The following GPR137C variants were observed in gnomAD, a reference collection of about 807,000 sequenced individuals.
GPR137C encodes the protein integral membrane protein GPR137C.
In GPR137C, 27 loss-of-function variants were observed where a neutral mutation model predicts 43.4. The ratio of observed to expected loss-of-function variants is 0.62; its 90% CI spans 0.46 to 0.86. The LOEUF is 0.86. Ranked by LOEUF, GPR137C falls within the 40% of genes least tolerant of loss-of-function variation. The pLI is 0.00. For synonymous variants in GPR137C, 285 were observed against 226.9 expected (o/e 1.26, Z -2.30); for missense variants, 522 against 534.6 (o/e 0.98, Z 0.23).
intron 2 of GPR137C, among the ~76,000 whole-genome samples, chr14:52,599,494 C>T (rs1050311045): frequency 4.0e-5 from 6 of 148,598 alleles, no homozygotes; most frequent in South Asian, 2.1e-4. Flanking sequence ...AGTGCAGTGG[C>T]GCTGTCTTGG....
At chr14:52,606,609 T>G (rs182138459) in intron 3 of GPR137C, among the ~76,000 whole-genome samples, 1 of 152,118 alleles carries the variant, frequency 6.6e-6, no homozygotes, top group African/African-American at 2.4e-5. Flanking sequence ...GCCAATTTTT[T>G]AAATTTTTTG....
chr14:52,559,079 G>A lies in GPR137C; in HGVS notation c.444+5488G>A, dbSNP rs976766607. On this transcript the variant is annotated intron_variant, in intron 1 of 6. Transcript: ENST00000321662. ...TGGGCTTTGTGAAAACATATTTAAAGTACACTTGAAAACACTGACCTGGTG... is the reference window on the plus strand; with the variant it reads ...TGGGCTTTGTGAAAACATATTTAAAATACACTTGAAAACACTGACCTGGTG... Among the ~76,000 whole-genome samples, 3 of 152,296 alleles carry A rather than the reference G, an allele frequency of 2.0e-5. No homozygotes were observed. In the South Asian group the frequency reaches 6.2e-4, roughly 32 times the overall value.
chr14:52,564,300 T>G (rs1594780790), intron 1 of GPR137C, among the ~76,000 whole-genome samples: 1 of 140,824 alleles, frequency 7.1e-6, no homozygotes, highest in African/African-American at 2.7e-5. Context: ...AAAGCCCCAC[T>G]CCTAGATTTC....
intron 1 of GPR137C, among the ~76,000 whole-genome samples, chr14:52,589,355 A>T (rs1164858520): frequency 1.3e-5 from 2 of 152,204 alleles, no homozygotes; most frequent in African/African-American, 4.8e-5. Context: ...CCACTGAACC[A>T]TACACTAAAA....
At position 52,564,230 on chromosome 14, in the gene GPR137C, G is replaced by A. The variant is rs532415232; in HGVS notation, c.444+10639G>A. On this transcript the variant is annotated intron_variant, in intron 1 of 6. Transcript: ENST00000321662. ...GCAGAGGTTGCAGTGAGCCGAGATC[G>A]CATCACTGCACTCCACCCTGGGCAA... Among the ~76,000 whole-genome samples the A allele has an allele frequency of 3.7e-5, 5 of 135,044 alleles. 1 individual carries two copies. Among genetic ancestry groups the A allele is most frequent in the East Asian group, 4.7e-4 (2 of 4,288 alleles). 88.6% of individuals were successfully genotyped at this position (135,044 alleles called of 152,430 possible).
intron 1 of GPR137C, among the ~76,000 whole-genome samples, chr14:52,554,558 C>T (rs974170108): frequency 6.6e-6 from 1 of 152,184 alleles, no homozygotes; most frequent in South Asian, 2.1e-4. Context: ...CAAAAAAGTC[C>T]TCCTTCCCAC....
At chr14:52,564,927 T>C (rs2038343500) in intron 1 of GPR137C, among the ~76,000 whole-genome samples, 1 of 151,104 alleles carries the variant, frequency 6.6e-6, no homozygotes, top group African/African-American at 2.4e-5. Context: ...ATCTACCTCC[T>C]CCCTTCAAAA....
intron 1 of GPR137C, among the ~76,000 whole-genome samples, chr14:52,582,856 G>A (rs1344221547): frequency 6.6e-6 from 1 of 152,088 alleles, no homozygotes; most frequent in African/African-American, 2.4e-5. Context: ...ACTTGTATAT[G>A]AGTTGAATAT....
intron 1 of GPR137C, among the ~76,000 whole-genome samples, chr14:52,590,881 G>A (rs1164290976): frequency 6.6e-6 from 1 of 152,090 alleles, no homozygotes; most frequent in Admixed American, 6.6e-5. Context: ...TGTGTACAAT[G>A]TGCAGGTTTG....
At chr14:52,623,140 G>A (rs1361428297) in intron 3 of GPR137C, among the ~76,000 whole-genome samples, 1 of 152,154 alleles carries the variant, frequency 6.6e-6, no homozygotes, top group African/African-American at 2.4e-5. Flanking sequence ...ATTAGTTGGT[G>A]CTGACACCAT....
chr14:52,565,888 T>C (rs1187164277), intron 1 of GPR137C, among the ~76,000 whole-genome samples: 5 of 152,228 alleles, frequency 3.3e-5, no homozygotes, highest in Non-Finnish European at 7.3e-5. Context: ...ATATGAATAA[T>C]TGATATTTGC....
At chr14:52,556,247 T>G (rs922440741) in intron 1 of GPR137C, among the ~76,000 whole-genome samples, 1 of 152,156 alleles carries the variant, frequency 6.6e-6, no homozygotes, top group Non-Finnish European at 1.5e-5. Flanking sequence ...TGATTCTCAC[T>G]AAGAGTAGCT....
In GPR137C at chr14:52,600,332, C is replaced by T. The variant is rs763808841; in HGVS notation, c.708C>T (p.Leu236=). 14 of 1,557,984 alleles carry T rather than the reference C, an allele frequency of 9.0e-6. No individual in the cohort carries two copies. Among genetic ancestry groups the T allele is most frequent in the Admixed American group, 1.7e-5 (1 of 57,724 alleles). The change falls in exon 3 of 7, where the codon CTC becomes CTT. Residue 236 remains leucine (L), a synonymous_variant. Transcript: ENST00000321662. ...AAATGTCATCAGCTAATGTCTACCTCGAATCAAAGGTAAGAATATTTCTTA... is the reference window on the plus strand; with the variant it reads ...AAATGTCATCAGCTAATGTCTACCTTGAATCAAAGGTAAGAATATTTCTTA... ...ITKMSSANVY[L]ESKGMSLCQT...
chr14:52,618,209 T>C (rs1213250197), intron 3 of GPR137C, among the ~76,000 whole-genome samples: 1 of 152,226 alleles, frequency 6.6e-6, no homozygotes. Context: ...AGTTGACCTG[T>C]CTGATAGATT....
chr14:52,563,607 G>A (rs1335041153), intron 1 of GPR137C, among the ~76,000 whole-genome samples: 1 of 152,086 alleles, frequency 6.6e-6, no homozygotes, highest in African/African-American at 2.4e-5. Flanking sequence ...TTGCGCCACT[G>A]TACTCCAGCC....
chr14:52,618,934 A>G (rs549728218), intron 3 of GPR137C, among the ~76,000 whole-genome samples: 2 of 152,240 alleles, frequency 1.3e-5, no homozygotes, highest in Non-Finnish European at 2.9e-5. Context: ...GACATGTACA[A>G]TTTTATATCT....
intron 1 of GPR137C, among the ~76,000 whole-genome samples, chr14:52,577,183 C>CA (rs34249999): frequency 0.036 from 1,485 of 41,172 alleles, 208 homozygotes; most frequent in Middle Eastern, 0.16. Context: ...TAAGACTCCT[C>CA]AAAAAAAAAA....
chr14:52,560,894 T>C (rs2038272748), intron 1 of GPR137C, among the ~76,000 whole-genome samples: 2 of 152,148 alleles, frequency 1.3e-5, no homozygotes, highest in African/African-American at 4.8e-5. Flanking sequence ...TTTAAAACTT[T>C]TGTTTTTTGC....
chr14:52,596,289 G>A (rs1456715122), intron 1 of GPR137C, among the ~76,000 whole-genome samples: 1 of 152,220 alleles, frequency 6.6e-6, no homozygotes, highest in African/African-American at 2.4e-5. Context: ...GGACCCACTT[G>A]AGGAGGCAGT....
Sources: gnomAD v4.1 joint callset for allele counts (sites outside exome capture counted in the v4.1 genomes callset) on GRCh38, gnomAD v4.1.1 for gene constraint, MANE v1.5 for transcripts, NCBI Gene and HGNC (gene_info 2026-07-23, HGNC 2026-07-21) for gene names.